ABCA12: variants seen among roughly 807,000 people sequenced by gnomAD.
ABCA12 encodes glucosylceramide transporter ABCA12.
In ABCA12, 156 loss-of-function variants were observed where a neutral mutation model predicts 293.5. The ratio of observed to expected loss-of-function variants is 0.53; its 90% CI spans 0.47 to 0.61. The LOEUF is 0.61. ABCA12 is among the 20% of genes least tolerant of loss of function. ABCA12 has a pLI of 0.00. For missense variants in ABCA12, 2,797 were observed against 3,090.2 expected, an observed-to-expected ratio of 0.91 and a Z score of 2.25; for synonymous variants, 1,063 against 1,108.0, an observed-to-expected ratio of 0.96 and a Z score of 0.81.
intron 2 of ABCA12, among the ~76,000 whole-genome samples, chr2:215,093,605 C>T (rs961160971): frequency 5.3e-5 from 8 of 152,228 alleles, no homozygotes; most frequent in Non-Finnish European, 1.0e-4. Context: ...CTCATGTCTG[C>T]GTGCGGCAGC....
chr2:214,937,993 A>T (rs1027788674), intron 50 of ABCA12, among the ~76,000 whole-genome samples: 1 of 152,020 alleles, frequency 6.6e-6, no homozygotes, highest in African/African-American at 2.4e-5. Flanking sequence ...TCTGGGATAC[A>T]TGTGCAGAAT....
intron 32 of ABCA12, 120 bp downstream of exon 32, chr2:214,978,684 T>G: frequency 8.1e-7 from 1 of 1,229,996 alleles, no homozygotes; most frequent in Non-Finnish European, 1.2e-6. Flanking sequence ...GAAAAAATGT[T>G]AAGCTTTTCT....
At chr2:215,018,335 C>T (rs565599419) in intron 13 of ABCA12, among the ~76,000 whole-genome samples, 12 of 152,156 alleles carry the variant, frequency 7.9e-5, no homozygotes, top group African/African-American at 2.7e-4. Context: ...ATCATAAACC[C>T]GAGGTAACAG....
intron 18 of ABCA12, among the ~76,000 whole-genome samples, chr2:215,009,744 C>T (rs1266744407): frequency 2.0e-5 from 3 of 152,008 alleles, no homozygotes; most frequent in African/African-American, 4.8e-5. Context: ...ACTTTAGCTC[C>T]GTCATTTTAA....
intron 15 of ABCA12, among the ~76,000 whole-genome samples, chr2:215,012,678 G>A (rs367656497): frequency 3.3e-5 from 5 of 152,086 alleles, no homozygotes; most frequent in East Asian, 3.9e-4. Context: ...GTTTCCTTCC[G>A]AAGTAATGGA....
intron 39 of ABCA12, among the ~76,000 whole-genome samples, chr2:214,960,986 T>C (rs1699096126): frequency 6.6e-6 from 1 of 152,144 alleles, no homozygotes; most frequent in Admixed American, 6.5e-5. Flanking sequence ...AGAAAATCAA[T>C]TTTATAGTTA....
At chr2:215,133,627 C>T (rs545666330) in intron 1 of ABCA12, among the ~76,000 whole-genome samples, 1 of 152,220 alleles carries the variant, frequency 6.6e-6, no homozygotes, top group South Asian at 2.1e-4. Flanking sequence ...AGTTAAATTA[C>T]AAGCCCAGCA....
At chr2:214,952,042 T>A (rs1028827866) in intron 44 of ABCA12, among the ~76,000 whole-genome samples, 1 of 151,542 alleles carries the variant, frequency 6.6e-6, no homozygotes, top group Non-Finnish European at 1.5e-5. Flanking sequence ...CCTTGATATA[T>A]TGGCTAACAA....
At chr2:214,984,677 T>C (rs536236317) in intron 28 of ABCA12, among the ~76,000 whole-genome samples, 11 of 152,292 alleles carry the variant, frequency 7.2e-5, no homozygotes, top group African/African-American at 2.4e-4. Flanking sequence ...CCCCATGTGA[T>C]AAATTCATAC....
At chr2:215,024,149 T>C (rs187540734) in intron 11 of ABCA12, among the ~76,000 whole-genome samples, 103 of 152,324 alleles carry the variant, frequency 6.8e-4, no homozygotes, top group Non-Finnish European at 1.2e-3. Context: ...AAAGCATTAT[T>C]TTCTCTACAG....
intron 3 of ABCA12, among the ~76,000 whole-genome samples, chr2:215,063,478 G>C (rs537909191): frequency 1.3e-5 from 2 of 151,942 alleles, no homozygotes; most frequent in African/African-American, 2.4e-5. Flanking sequence ...GTTGTAAATG[G>C]TCAGGTTGTT....
intron 1 of ABCA12, among the ~76,000 whole-genome samples, chr2:215,115,670 G>A (rs977927611): frequency 1.6e-4 from 24 of 152,138 alleles, no homozygotes; most frequent in Non-Finnish European, 1.0e-4. Context: ...CAGGGCATTC[G>A]TGTCCTTTTA....
chr2:214,986,012 T>A lies in ABCA12; in HGVS notation c.4163+530A>T, dbSNP rs149351726. Among the ~76,000 whole-genome samples the A allele has an allele frequency of 1.5e-3, 225 of 152,342 alleles. 1 individual carries two copies. The highest frequency in any genetic ancestry group is 2.9e-3 in the South Asian group (14 of 4,826). On this transcript the variant is annotated intron_variant, in intron 28 of 52. Transcript: ENST00000272895. ...TTGCTGTCTGATAGCTGGTGGTTCC[T>A]TTGTTTCTTTATGAGTCAAGGCAAA...
At chr2:215,089,193 CTTTA>C (rs1469115052) in intron 2 of ABCA12, among the ~76,000 whole-genome samples, 2 of 146,702 alleles carry the variant, frequency 1.4e-5, no homozygotes, top group Non-Finnish European at 3.0e-5. Flanking sequence ...TCAAGTTTTG[CTTTA>C]TTTTTTTTTC....
At chr2:215,006,264 T>C (rs1222848158) in intron 19 of ABCA12, among the ~76,000 whole-genome samples, 2 of 152,108 alleles carry the variant, frequency 1.3e-5, no homozygotes, top group African/African-American at 4.8e-5. Flanking sequence ...GAAAAAGTCT[T>C]AGGAGAAAAT....
chr2:215,058,010 A>C (rs1421431750), intron 3 of ABCA12, among the ~76,000 whole-genome samples: 1 of 152,104 alleles, frequency 6.6e-6, no homozygotes, highest in African/African-American at 2.4e-5. Context: ...AGAATAGCTA[A>C]GTAAGGACAT....
chr2:215,035,068 C>T (rs1001496258), intron 8 of ABCA12, among the ~76,000 whole-genome samples: 8 of 152,132 alleles, frequency 5.3e-5, no homozygotes, highest in African/African-American at 1.7e-4. Context: ...CCAGAGACCC[C>T]AGTGCTGTTG....
chr2:214,937,652 AT>A, intron 50 of ABCA12, 37 bp from the exon 51 acceptor site: 1 of 1,513,820 alleles, frequency 6.6e-7, no homozygotes, highest in East Asian at 2.3e-5. Flanking sequence ...TATGAATTAC[AT>A]TTTGCTGAAA....
chr2:215,061,851 C>G (rs1487172724), intron 3 of ABCA12, among the ~76,000 whole-genome samples: 1 of 152,024 alleles, frequency 6.6e-6, no homozygotes, highest in Non-Finnish European at 1.5e-5. Flanking sequence ...AGTGTCTCAT[C>G]TCATGCAACC....
Sources: gnomAD v4.1 joint callset for allele counts (sites outside exome capture counted in the v4.1 genomes callset) on GRCh38, gnomAD v4.1.1 for gene constraint, MANE v1.5 for transcripts, NCBI Gene and HGNC (gene_info 2026-07-23, HGNC 2026-07-21) for gene names.